The following HSPG2 variants were observed in gnomAD, a reference collection of about 807,000 sequenced individuals.
HSPG2 encodes the protein heparan sulfate proteoglycan 2, also known as basement membrane-specific heparan sulfate proteoglycan core protein.
A neutral mutation model predicts 526.6 loss-of-function variants in HSPG2; 278 were observed. The ratio of observed to expected loss-of-function variants is 0.53; its 90% CI spans 0.48 to 0.58. The LOEUF is 0.58. Among genes scored for constraint, HSPG2 ranks in the 20% least tolerant of loss-of-function variants. The pLI, the probability that HSPG2 is intolerant of heterozygous loss-of-function variation, is 0.00. For missense variants in HSPG2, 5,354 were observed against 6,099.5 expected, an observed-to-expected ratio of 0.88 and a Z score of 4.07; for synonymous variants, 2,465 against 2,555.4, an observed-to-expected ratio of 0.96 and a Z score of 1.07.
chr1:21,860,005 G>C lies in HSPG2; in HGVS notation c.5015-3C>G. On this transcript the variant is annotated splice_polypyrimidine_tract_variant and splice_region_variant and intron_variant, in intron 40 of 96. Transcript: ENST00000374695. ...GACCACCAGTGGGGCTTGGTTTGCT[G>C]GGGGTGGGGGCCGGGACAGGAAGGG... 6.2e-7 allele frequency: 1 copy of C among 1,609,862 alleles called. No homozygotes were observed. Among genetic ancestry groups the C allele is most frequent in the South Asian group, 1.1e-5 (1 of 90,188 alleles).
At position 21,846,136 on chromosome 1, in the gene HSPG2, G is replaced by A. The variant is rs1019477116; in HGVS notation, c.8436C>T (p.Ala2812=). ...LEASVLVTIE[A]SGSSAVHVPA... ...GGACGTGGACAGCACTTGAGCCAGA[G>A]GCTTCGATGGTGACCAGGACTGAGG... The change falls in exon 64 of 97, where the codon GCC becomes GCT. Residue 2812 remains alanine, a synonymous_variant. Coordinates refer to ENST00000374695, the MANE Select transcript of HSPG2 (RefSeq NM_005529.7). 2 of 1,613,064 alleles carry A rather than the reference G, an allele frequency of 1.2e-6. No homozygotes were observed. The highest frequency in any genetic ancestry group is 1.7e-6 in the Non-Finnish European group (2 of 1,180,038).
intron 1 of HSPG2, among the ~76,000 whole-genome samples, chr1:21,929,738 G>A (rs551720370): frequency 3.9e-5 from 6 of 152,122 alleles, no homozygotes; most frequent in East Asian, 3.9e-4. Context: ...TCCATCCTTC[G>A]GGATGCTGAA....
chr1:21,880,378 C>T lies in HSPG2; in HGVS notation c.2180G>A (p.Ser727Asn), dbSNP rs1179496735. 6.2e-7 allele frequency: 1 copy of T among 1,614,020 alleles called. No homozygotes were observed. Among genetic ancestry groups the T allele is most frequent in the Non-Finnish European group, 8.5e-7 (1 of 1,180,040 alleles). The change falls in exon 16 of 97, where the codon AGT becomes AAT. Residue 727 changes from serine to asparagine, a missense_variant. By Grantham distance (46) the Ser-to-Asn change is conservative (BLOSUM62 1). Coordinates refer to ENST00000374695, the MANE Select transcript of HSPG2 (RefSeq NM_005529.7). ...THATSHGRAHSVEECRCPIGY... is the reference protein window; with the variant it reads ...THATSHGRAHNVEECRCPIGY... ...GCTCAGGCACCTGCACTCCTCCACA[C>T]TGTGGGCACGGCCATGGCTGGTGGC...
At chr1:21,881,035 G>A (rs1419121320) in intron 14 of HSPG2, among the ~76,000 whole-genome samples, 200 bp from the exon 15 acceptor site, 2 of 152,196 alleles carry the variant, frequency 1.3e-5, no homozygotes, top group African/African-American at 4.8e-5. Flanking sequence ...TCCATGGCAG[G>A]GTGTGGAATC....
At chr1:21,843,072 TG>T in intron 66 of HSPG2, 151 bp from the exon 67 acceptor site, 1 of 1,060,452 alleles carries the variant, frequency 9.4e-7, no homozygotes, top group Non-Finnish European at 1.4e-6. Context: ...CTCCTTTCCC[TG>T]GGGACTCAAG....
Position 21,864,132 on chromosome 1 carries a change from C to A in HSPG2, c.4708G>T (p.Asp1570Tyr). 1 of 1,556,630 alleles carries A rather than the reference C, an allele frequency of 6.4e-7. No individual in the cohort carries two copies. Among genetic ancestry groups the A allele is most frequent in the Non-Finnish European group, 8.7e-7 (1 of 1,150,062 alleles). Residue 1570 changes from aspartate to tyrosine, a missense_variant, in exon 37 of 97, where the codon GAC becomes TAC. By Grantham distance (160) the Asp-to-Tyr change is radical. Transcript: ENST00000374695. The surrounding 1 kb of genome is among the most constrained non-coding windows in gnomAD (Gnocchi z 4.8). ...GCCCCAGTCTCTGGGTGGCACAGGTCTGAGTGGCCATTGCATTCACATAGC... is the reference window on the plus strand; with the variant it reads ...GCCCCAGTCTCTGGGTGGCACAGGTATGAGTGGCCATTGCATTCACATAGC... ...CELCECNGHS[D>Y]LCHPETGACS...
Position 21,854,905 on chromosome 1 carries a change from C to T in HSPG2, c.6076G>A (p.Val2026Met), listed in dbSNP as rs886046033. The change falls in exon 48 of 97, where the codon GTG (valine) becomes ATG (methionine). Residue 2026 changes from valine to methionine, a missense_variant. Val to Met is a conservative substitution (Grantham distance 21). Coordinates refer to ENST00000374695, the MANE Select transcript of HSPG2 (RefSeq NM_005529.7). ...GCAGTGCCTGCAGGGCTGGTGGCCA[C>T]GCAGAGGTAGAAGCCGGCGTCAGCA... The part of the protein sequence containing the change: ...TTADAGFYLC[V>M]ATSPAGTAQA... 8.7e-6 allele frequency: 14 copies of T among 1,614,106 alleles called. No individual in the cohort carries two copies. The highest frequency in any genetic ancestry group is 8.5e-6 in the Non-Finnish European group (10 of 1,180,026).
chr1:21,896,797 T>C (rs1395608718), intron 1 of HSPG2, among the ~76,000 whole-genome samples: 1 of 152,098 alleles, frequency 6.6e-6, no homozygotes, highest in Non-Finnish European at 1.5e-5. Flanking sequence ...AGGCAGCTCC[T>C]CCCCAGGCCA....
At chr1:21,889,762 G>A in intron 6 of HSPG2, 1 of 606,854 alleles carries the variant, frequency 1.6e-6, no homozygotes, top group East Asian at 2.8e-5. Context: ...AGGTCTAGAA[G>A]GAAGGAGCAG....
At chr1:21,888,770 AGGGCTGCAGGGCTG>A in intron 6 of HSPG2, 1 of 1,261,650 alleles carries the variant, frequency 7.9e-7, no homozygotes, top group Non-Finnish European at 1.1e-6. Flanking sequence ...CCGGGAGCTG[AGGGCTGCAGGGCTG>A]GGCCACATTC....
chr1:21,890,387 G>T lies in HSPG2; in HGVS notation c.413+40C>A. On this transcript the variant is annotated intron_variant, in intron 5 of 96. Transcript: ENST00000374695. The surrounding 1 kb of genome is among the most constrained non-coding windows in gnomAD (Gnocchi z 4.1). ...CTCATCAGCCCCCTCCAGGTTACCC[G>T]CTCAAGTCCCCCAGCAGCCCCCAGG... 2 of 1,595,834 alleles carry T rather than the reference G, an allele frequency of 1.3e-6. No homozygotes were observed. Among genetic ancestry groups the T allele is most frequent in the Non-Finnish European group, 1.7e-6 (2 of 1,163,822 alleles).
rs184516097 is a variant in HSPG2, at chr1:21,843,568, A to G, written c.8617-130T>C. On this transcript the variant is annotated intron_variant, in intron 65 of 96. Coordinates refer to ENST00000374695, the MANE Select transcript of HSPG2 (RefSeq NM_005529.7). ...CATCCTGTTGGAGGCGACCCCTTTG[A>G]CAGTCCGCATTGTGGAGGGCATGTT... 1,627 of 918,114 alleles carry G rather than the reference A, an allele frequency of 1.8e-3. No homozygotes were observed. The highest frequency in any genetic ancestry group is 1.7e-3 in the Non-Finnish European group (1,046 of 611,894). The allele number at this position is 918,114 out of a possible 1,614,324, so 56.9% of individuals were successfully genotyped here.
chr1:21,872,372 G>GGA lies in HSPG2; in HGVS notation c.4033_4034dup (p.Thr1346ProfsTer15). 1 of 1,569,738 alleles carries GGA rather than the reference G, an allele frequency of 6.4e-7. No individual in the cohort carries two copies. Among genetic ancestry groups the GGA allele is most frequent in the Non-Finnish European group, 8.7e-7 (1 of 1,155,852 alleles). On this transcript the variant is annotated frameshift_variant, in exon 33 of 97. Coordinates refer to ENST00000374695, the MANE Select transcript of HSPG2 (RefSeq NM_005529.7). LOFTEE classifies it high-confidence loss of function. The surrounding 1 kb of genome is among the most constrained non-coding windows in gnomAD (Gnocchi z 5.5). ...GGAAGTCCCCAGGGGCAAAGTGGGT[G>GGA]GAGATCTGGCAGGGGAAAAAGGAGG...
chr1:21,867,055 TTTTTA>T (rs916211688), intron 33 of HSPG2, among the ~76,000 whole-genome samples: 10 of 108,694 alleles, frequency 9.2e-5, no homozygotes, highest in African/African-American at 3.3e-4. Context: ...TTTTAAAAAT[TTTTTA>T]TTTTTTTTTT....
At chr1:21,919,026 G>A (rs1205572113) in intron 1 of HSPG2, among the ~76,000 whole-genome samples, 1 of 152,186 alleles carries the variant, frequency 6.6e-6, no homozygotes, top group Non-Finnish European at 1.5e-5. Context: ...CCGCTTTCCT[G>A]CCCCCATCTT....
intron 33 of HSPG2, among the ~76,000 whole-genome samples, chr1:21,870,013 G>A (rs1199053505): frequency 2.0e-5 from 3 of 152,230 alleles, no homozygotes; most frequent in South Asian, 4.1e-4. Context: ...CCTGGCAACA[G>A]CCCAAGCCAT....
In HSPG2 at chr1:21,843,340, A is replaced by T. The variant is rs1306049988; in HGVS notation, c.8715T>A (p.Ser2905=). The T allele has an allele frequency of 6.2e-7, 1 of 1,614,112 alleles. No homozygotes were observed. ...TGGAGGGCTCAATTGTGACCAGGAC[A>T]GATGCCTCCAGGGTGCCTGAGCTTC... ...VTGSSGTLEA[S]VLVTIEPSSP... Residue 2905 remains serine, a synonymous_variant, in exon 66 of 97, where the codon TCT becomes TCA. Coordinates refer to ENST00000374695, the MANE Select transcript of HSPG2 (RefSeq NM_005529.7).
Position 21,880,227 on chromosome 1 carries a change from G to C in HSPG2, c.2223C>G (p.Ser741=). The C allele has an allele frequency of 1.2e-6, 2 of 1,614,166 alleles. No individual in the cohort carries two copies. The highest frequency in any genetic ancestry group is 1.1e-5 in the South Asian group (1 of 91,088). The change falls in exon 17 of 97, where the codon TCC becomes TCG. Residue 741 remains serine, a synonymous_variant. Coordinates refer to ENST00000374695, the MANE Select transcript of HSPG2 (RefSeq NM_005529.7). ...CRCPIGYSGL[S]CESCDAHFTR... is the part of the protein sequence containing the mutation. ...TGAAGTGGGCATCACAGCTCTCGCA[G>C]GACAAGCCAGAATAGCCAATGGGGC...
rs761727565 is a variant in HSPG2 at position 21,842,758 on chromosome 1, T to C, written c.8910+12A>G. On this transcript the variant is annotated intron_variant, in intron 67 of 96. Transcript: ENST00000374695. ...GCCTGACCTGGAATCCTCCCCATCC[T>C]GGCCCCTGTACCTGGTGCCGGGCGG... 1.2e-6 allele frequency: 2 copies of C among 1,612,696 alleles called. No homozygotes were observed. The highest frequency in any genetic ancestry group is 1.7e-6 in the Non-Finnish European group (2 of 1,180,008).
Sources: allele counts gnomAD v4.1 joint callset (sites outside exome capture counted in the v4.1 genomes callset), GRCh38; gene constraint gnomAD v4.1.1; non-coding constraint Gnocchi (gnomAD v3.1); transcripts MANE v1.5; gene names NCBI Gene and HGNC (gene_info 2026-07-23, HGNC 2026-07-21).